The following RTL4 variants were observed in gnomAD, a reference collection of about 807,000 sequenced individuals.
The protein encoded by RTL4 is retrotransposon Gag like 4.
Under a neutral mutation model 5.3 loss-of-function variants are expected in RTL4, and 4 were observed. That is an observed-to-expected ratio of 0.75 (90% confidence interval 0.37 to 1.72). RTL4 has a LOEUF of 1.72. RTL4 is among the 40% of genes most tolerant of loss of function. RTL4 has a pLI of 0.04. For synonymous variants in RTL4, 98 were observed against 87.3 expected, an observed-to-expected ratio of 1.12 and a Z score of -0.68; for missense variants, 260 against 227.1, an observed-to-expected ratio of 1.14 and a Z score of -0.93.
the RTL4 span, among the ~76,000 whole-genome samples, chrX:112,226,582 T>C: frequency 5.4e-5 from 6 of 111,677 alleles, no homozygotes; most frequent in Admixed American, 5.7e-4. Context: ...GTCACCTCTC[T>C]AAGCTATAGT....
chrX:112,099,174 A>C, the RTL4 span, among the ~76,000 whole-genome samples: 2 of 112,029 alleles, frequency 1.8e-5, no homozygotes, highest in Non-Finnish European at 1.9e-5. Context: ...CAATAAACTC[A>C]AACAAATTTA....
At chrX:112,367,061 T>G in the RTL4 span, among the ~76,000 whole-genome samples, 1 of 111,801 alleles carries the variant, frequency 8.9e-6, no homozygotes, top group Non-Finnish European at 1.9e-5. Flanking sequence ...TCAAAATAGC[T>G]GCTACATGCC....
chrX:112,220,832 G>T, the RTL4 span, among the ~76,000 whole-genome samples: 1 of 111,749 alleles, frequency 8.9e-6, no homozygotes. Context: ...AGACTTCATT[G>T]TCAACATCAC....
At chrX:112,103,344 T>G in the RTL4 span, among the ~76,000 whole-genome samples, 8 of 111,752 alleles carry the variant, frequency 7.2e-5, no homozygotes, top group Non-Finnish European at 1.5e-4. Flanking sequence ...TTGCATGTTC[T>G]TACTTGTAAG....
the RTL4 span, among the ~76,000 whole-genome samples, chrX:112,279,552 C>T: frequency 2.2e-4 from 24 of 110,860 alleles, no homozygotes; most frequent in South Asian, 7.7e-3. Flanking sequence ...TTTCCATGCA[C>T]ACTTTCTCTA....
chrX:112,173,852 C>T, the RTL4 span, among the ~76,000 whole-genome samples: 357 of 110,995 alleles, frequency 3.2e-3, 1 homozygote, highest in Non-Finnish European at 5.9e-3. Flanking sequence ...AATCATAAGA[C>T]ACAGACTGGG....
At chrX:112,099,696 T>G in the RTL4 span, among the ~76,000 whole-genome samples, 36 of 111,383 alleles carry the variant, frequency 3.2e-4, no homozygotes, top group African/African-American at 1.1e-3. Context: ...CAACAGATTC[T>G]TTTTAAAGGA....
At chrX:112,353,123 C>T in the RTL4 span, among the ~76,000 whole-genome samples, 1 of 111,806 alleles carries the variant, frequency 8.9e-6, no homozygotes, top group South Asian at 3.7e-4. Flanking sequence ...CAAATAAAAA[C>T]CACATTGAAA....
chrX:112,281,868 C>T, the RTL4 span, among the ~76,000 whole-genome samples: 3 of 111,622 alleles, frequency 2.7e-5, no homozygotes, highest in Non-Finnish European at 5.7e-5. Context: ...GTTTGAGTTC[C>T]TTATATATTT....
the RTL4 span, among the ~76,000 whole-genome samples, chrX:112,291,817 G>C: frequency 2.1e-4 from 23 of 110,367 alleles, no homozygotes; most frequent in South Asian, 1.2e-3. Flanking sequence ...GGATGGTCTC[G>C]ATCTCCTGAC....
At chrX:112,252,435 A>C in the RTL4 span, among the ~76,000 whole-genome samples, 2 of 112,258 alleles carry the variant, frequency 1.8e-5, no homozygotes, top group Non-Finnish European at 1.9e-5. Context: ...GAGAATGAGA[A>C]TAATCAAGAG....
chrX:112,114,782 T>C, the RTL4 span, among the ~76,000 whole-genome samples: 1 of 111,291 alleles, frequency 9.0e-6, no homozygotes, highest in African/African-American at 3.3e-5. Context: ...GGTCCTCTTG[T>C]GGGATGTAAA....
the RTL4 span, among the ~76,000 whole-genome samples, chrX:112,351,020 C>G: frequency 1.8e-5 from 2 of 111,330 alleles, no homozygotes; most frequent in East Asian, 5.6e-4. Context: ...ATAAATTTCC[C>G]TCTACACACT....
chrX:112,270,848 C>T, the RTL4 span, among the ~76,000 whole-genome samples: 1 of 109,969 alleles, frequency 9.1e-6, no homozygotes, highest in South Asian at 4.0e-4. Flanking sequence ...TTTTTACTGT[C>T]ACAGGCTGTA....
chrX:112,390,932 C>T, the RTL4 span, among the ~76,000 whole-genome samples: 1 of 112,058 alleles, frequency 8.9e-6, no homozygotes, highest in African/African-American at 3.2e-5. Context: ...TTTGCTTTCT[C>T]CCTCTCCCTT....
At chrX:112,320,940 T>G in the RTL4 span, among the ~76,000 whole-genome samples, 4 of 111,734 alleles carry the variant, frequency 3.6e-5, no homozygotes, top group Non-Finnish European at 7.5e-5. Context: ...GGGGCATATG[T>G]GTAGCTCAGG....
the RTL4 span, among the ~76,000 whole-genome samples, chrX:112,411,538 G>A: frequency 2.7e-5 from 3 of 111,150 alleles, no homozygotes; most frequent in East Asian, 8.5e-4. Context: ...GGAACACAAG[G>A]ATGGCTCAAC....
the RTL4 span, among the ~76,000 whole-genome samples, chrX:112,270,945 A>G: frequency 9.2e-6 from 1 of 108,375 alleles, no homozygotes; most frequent in Non-Finnish European, 1.9e-5. Flanking sequence ...AGCTGTGCCT[A>G]TTAGACGTCA....
chrX:112,287,764 T>C, the RTL4 span, among the ~76,000 whole-genome samples: 1 of 111,719 alleles, frequency 9.0e-6, no homozygotes, highest in African/African-American at 3.3e-5. Flanking sequence ...AAGGTGATAT[T>C]AACTGTCAAA....
Sources: allele counts gnomAD v4.1 joint callset (sites outside exome capture counted in the v4.1 genomes callset), GRCh38; gene constraint gnomAD v4.1.1; transcripts MANE v1.5; gene names NCBI Gene and HGNC (gene_info 2026-07-23, HGNC 2026-07-21).